HDAC9: variants seen among roughly 807,000 people sequenced by gnomAD.
The protein encoded by HDAC9 is MEF-2 interacting transcription repressor (MITR) protein.
Under a neutral mutation model 139.4 loss-of-function variants are expected in HDAC9, and 41 were observed. The ratio of observed to expected loss-of-function variants is 0.29; its 90% CI spans 0.23 to 0.38. The LOEUF is 0.38. Ranked by LOEUF, HDAC9 falls within the 10% of genes least tolerant of loss-of-function variation. The probability of loss-of-function intolerance (pLI) is 1.00; values close to 1 mark genes in which losing one functional copy is unlikely to be tolerated. For synonymous variants in HDAC9, 517 were observed against 476.2 expected (o/e 1.09, Z -1.12); for missense variants, 1,147 against 1,297.0 (o/e 0.88, Z 1.78).
At chr7:18,537,072 C>G (rs151187210) in intron 2 of HDAC9, among the ~76,000 whole-genome samples, 1 of 152,286 alleles carries the variant, frequency 6.6e-6, no homozygotes, top group African/African-American at 2.4e-5. Flanking sequence ...TACTCTCACT[C>G]TACTACAAAA....
chr7:18,832,741 T>TA (rs67128110), intron 19 of HDAC9, among the ~76,000 whole-genome samples: 51,163 of 145,574 alleles, frequency 0.35, 8,924 homozygotes, highest in South Asian at 0.53. Flanking sequence ...ATATATATAT[T>TA]TTTTTTTTCT....
chr7:18,366,424 G>A (rs1392796070), intron 1 of HDAC9, among the ~76,000 whole-genome samples: 5 of 152,126 alleles, frequency 3.3e-5, no homozygotes, highest in East Asian at 3.9e-4. Flanking sequence ...AATTTGCACC[G>A]GTAGAATTTG....
At chr7:18,969,148 A>G (rs1784090884) in intron 24 of HDAC9, among the ~76,000 whole-genome samples, 2 of 152,024 alleles carry the variant, frequency 1.3e-5, no homozygotes, top group Non-Finnish European at 2.9e-5. Flanking sequence ...TTCTTTACAT[A>G]TATAAGGTGA....
At chr7:18,145,516 T>G (rs370323216) in intron 1 of HDAC9, among the ~76,000 whole-genome samples, 1 of 152,164 alleles carries the variant, frequency 6.6e-6, no homozygotes, top group Non-Finnish European at 1.5e-5. Context: ...GTTTTAGGGT[T>G]AAAACCTTAT....
intron 23 of HDAC9, among the ~76,000 whole-genome samples, chr7:18,946,349 A>T (rs1782403285): frequency 6.6e-6 from 1 of 152,108 alleles, no homozygotes; most frequent in Non-Finnish European, 1.5e-5. Flanking sequence ...AAGTGGATAT[A>T]AATGGATTTA....
At chr7:18,984,642 G>C (rs1040753537) in intron 25 of HDAC9, among the ~76,000 whole-genome samples, 1 of 151,834 alleles carries the variant, frequency 6.6e-6, no homozygotes, top group African/African-American at 2.4e-5. Flanking sequence ...GAAATAGTGA[G>C]TAGTTGGCAA....
rs77605956 is a variant in HDAC9, at chr7:18,858,451, A to G, written c.2685-16027A>G. ...AACCGTCAGCTCTCATGAGAACTCA[A>G]TATCACAGGAACAGGATAGGGGAAA... is the stretch of plus-strand genomic sequence containing the variant. On this transcript the variant is annotated intron_variant, in intron 21 of 25. Coordinates refer to ENST00000686413, the MANE Select transcript of HDAC9 (RefSeq NM_178425.4). Among the ~76,000 whole-genome samples, 901 of 152,272 alleles carry G rather than the reference A, an allele frequency of 5.9e-3. 7 individuals carry two copies. Among genetic ancestry groups the G allele is most frequent in the African/African-American group, 0.019 (801 of 41,550 alleles).
At chr7:18,381,537 G>GGA (rs1334057572) in intron 1 of HDAC9, among the ~76,000 whole-genome samples, 1 of 151,806 alleles carries the variant, frequency 6.6e-6, no homozygotes, top group Non-Finnish European at 1.5e-5. Flanking sequence ...GGCAATGATG[G>GGA]GATAAAATAT....
intron 2 of HDAC9, among the ~76,000 whole-genome samples, chr7:18,210,318 A>G (rs544643444): frequency 2.4e-4 from 37 of 152,248 alleles, no homozygotes; most frequent in African/African-American, 8.2e-4. Context: ...TTAAAATTCA[A>G]TAAGTTGCTT....
chr7:18,593,878 T>C, intron 5 of HDAC9, 30 bp from the exon 6 acceptor site: 1 of 1,611,222 alleles, frequency 6.2e-7, no homozygotes, highest in South Asian at 1.1e-5. Context: ...AACTACCAAG[T>C]AAATAGTGAA....
intron 2 of HDAC9, among the ~76,000 whole-genome samples, chr7:18,535,722 C>CAAAAAAAAA (rs72123660): frequency 4.1e-5 from 2 of 49,232 alleles, no homozygotes; most frequent in Admixed American, 3.1e-4. Context: ...AGGCATTAAG[C>CAAAAAAAAA]AAAAAAAAAA....
At chr7:18,162,177 T>C in intron 1 of HDAC9, 1 of 666,074 alleles carries the variant, frequency 1.5e-6, no homozygotes, top group Non-Finnish European at 2.6e-6. Flanking sequence ...TCTTTTTCAG[T>C]GTGACTTGAT....
At chr7:18,742,748 A>G (rs1027736762) in intron 13 of HDAC9, among the ~76,000 whole-genome samples, 2 of 152,048 alleles carry the variant, frequency 1.3e-5, no homozygotes, top group Non-Finnish European at 2.9e-5. Context: ...TTTGTATTCA[A>G]TAGCGCTGAT....
chr7:18,542,967 A>C (rs568997187), intron 2 of HDAC9, among the ~76,000 whole-genome samples: 1 of 152,220 alleles, frequency 6.6e-6, no homozygotes, highest in Non-Finnish European at 1.5e-5. Flanking sequence ...ATGTCATGCA[A>C]TATGTAGATA....
chr7:18,955,201 T>C (rs1395213430), intron 24 of HDAC9, among the ~76,000 whole-genome samples: 2 of 152,138 alleles, frequency 1.3e-5, no homozygotes, highest in Non-Finnish European at 2.9e-5. Context: ...GTCTCTGATA[T>C]AAGCCTAAAG....
intron 12 of HDAC9, among the ~76,000 whole-genome samples, chr7:18,674,377 G>A (rs1781370251): frequency 6.6e-6 from 1 of 152,012 alleles, no homozygotes; most frequent in African/African-American, 2.4e-5. Context: ...GAGAGCTACA[G>A]TCTTCATAAT....
chr7:18,181,708 G>A (rs1789445461), intron 2 of HDAC9, among the ~76,000 whole-genome samples: 1 of 151,926 alleles, frequency 6.6e-6, no homozygotes, highest in Non-Finnish European at 1.5e-5. Flanking sequence ...ACTCATACCT[G>A]TCCCCCTACC....
chr7:18,334,328 G>A (rs1781428369), intron 1 of HDAC9, among the ~76,000 whole-genome samples: 1 of 151,216 alleles, frequency 6.6e-6, no homozygotes, highest in African/African-American at 2.4e-5. Context: ...ACCTGAATCA[G>A]GAATGGCTTA....
chr7:18,125,237 G>T (rs911432852), intron 1 of HDAC9, among the ~76,000 whole-genome samples: 1 of 152,044 alleles, frequency 6.6e-6, no homozygotes, highest in Non-Finnish European at 1.5e-5. Flanking sequence ...CCGGGACACT[G>T]CCTAGGACAG....
Sources: allele counts gnomAD v4.1 joint callset (sites outside exome capture counted in the v4.1 genomes callset), GRCh38; gene constraint gnomAD v4.1.1; transcripts MANE v1.5; gene names NCBI Gene and HGNC (gene_info 2026-07-23, HGNC 2026-07-21).